The following ARHGAP24 variants were observed in gnomAD, a reference collection of about 807,000 sequenced individuals.
ARHGAP24 encodes rho GTPase-activating protein 24.
Under a neutral mutation model 76.4 loss-of-function variants are expected in ARHGAP24, and 50 were observed. That is an observed-to-expected ratio of 0.65 (90% CI 0.52 to 0.83). The LOEUF is 0.83. ARHGAP24 is among the 40% of genes least tolerant of loss of function. The pLI is 0.00. For synonymous variants in ARHGAP24, 345 were observed against 323.3 expected (o/e 1.07, Z -0.72); for missense variants, 930 against 914.2 (o/e 1.02, Z -0.22).
At chr4:85,556,683 G>C (rs1213594838) in intron 1 of ARHGAP24, among the ~76,000 whole-genome samples, 4 of 152,190 alleles carry the variant, frequency 2.6e-5, no homozygotes, top group Non-Finnish European at 4.4e-5. Context: ...GGGTAGGGGA[G>C]GTGGGGACGC....
At chr4:85,804,869 C>T (rs768129102) in intron 3 of ARHGAP24, among the ~76,000 whole-genome samples, 1 of 152,190 alleles carries the variant, frequency 6.6e-6, no homozygotes, top group Admixed American at 6.5e-5. Context: ...AACTTCCCAT[C>T]TGCAATTTTT....
At chr4:85,584,465 T>A (rs557620121) in intron 2 of ARHGAP24, among the ~76,000 whole-genome samples, 32 of 140,448 alleles carry the variant, frequency 2.3e-4, no homozygotes, top group African/African-American at 7.4e-4. Flanking sequence ...GGGGGAGGGA[T>A]AGCATTAGGA....
At chr4:85,581,872 T>A (rs1727630587) in intron 2 of ARHGAP24, among the ~76,000 whole-genome samples, 1 of 152,038 alleles carries the variant, frequency 6.6e-6, no homozygotes, top group Admixed American at 6.6e-5. Context: ...TACTTTTGGG[T>A]TATGGACTTT....
intron 1 of ARHGAP24, among the ~76,000 whole-genome samples, chr4:85,502,981 G>C (rs1723882475): frequency 6.6e-6 from 1 of 152,134 alleles, no homozygotes; most frequent in African/African-American, 2.4e-5. Flanking sequence ...ATAATCATGT[G>C]GTTTTTGTCG....
intron 3 of ARHGAP24, among the ~76,000 whole-genome samples, chr4:85,827,505 TG>T: frequency 6.7e-6 from 1 of 148,470 alleles, no homozygotes; most frequent in Admixed American, 6.7e-5. Context: ...TGTGTGTGTG[TG>T]TGTGTGTGTG....
intron 1 of ARHGAP24, among the ~76,000 whole-genome samples, chr4:85,546,783 T>C (rs1725935463): frequency 6.6e-6 from 1 of 152,212 alleles, no homozygotes; most frequent in African/African-American, 2.4e-5. Flanking sequence ...GTTGTTTGTT[T>C]TTACTTATTA....
chr4:85,567,380 A>C (rs576280153), intron 1 of ARHGAP24, among the ~76,000 whole-genome samples: 1 of 152,276 alleles, frequency 6.6e-6, no homozygotes, highest in South Asian at 2.1e-4. Context: ...ATGGATTTGA[A>C]CTATTTTTTA....
At chr4:85,804,925 C>T (rs1728726870) in intron 3 of ARHGAP24, among the ~76,000 whole-genome samples, 1 of 152,132 alleles carries the variant, frequency 6.6e-6, no homozygotes, top group South Asian at 2.1e-4. Flanking sequence ...ATGTACCCAC[C>T]ATAGCTTTTG....
chr4:85,648,708 T>A (rs1046065883), intron 2 of ARHGAP24, among the ~76,000 whole-genome samples: 1 of 152,120 alleles, frequency 6.6e-6, no homozygotes, highest in African/African-American at 2.4e-5. Flanking sequence ...AGCTTGTGAT[T>A]TATGTCGAAT....
At chr4:85,706,645 A>G (rs1258640449) in intron 2 of ARHGAP24, among the ~76,000 whole-genome samples, 3 of 151,648 alleles carry the variant, frequency 2.0e-5, no homozygotes, top group Non-Finnish European at 4.4e-5. Context: ...AGCTCACTAC[A>G]AGTTCCACCT....
intron 5 of ARHGAP24, among the ~76,000 whole-genome samples, chr4:85,958,514 T>C (rs1738052314): frequency 6.6e-6 from 1 of 152,208 alleles, no homozygotes; most frequent in Non-Finnish European, 1.5e-5. Context: ...TCATTCATGG[T>C]TTGAAACCTC....
At chr4:85,517,948 G>GT (rs2110109421) in intron 1 of ARHGAP24, among the ~76,000 whole-genome samples, 1 of 152,224 alleles carries the variant, frequency 6.6e-6, no homozygotes, top group South Asian at 2.1e-4. Flanking sequence ...GGCAGAAGGG[G>GT]TGTCACAGGC....
chr4:85,605,248 GA>G (rs932010563), intron 2 of ARHGAP24, among the ~76,000 whole-genome samples: 1 of 152,072 alleles, frequency 6.6e-6, no homozygotes, highest in Non-Finnish European at 1.5e-5. Flanking sequence ...TCTCAAATTG[GA>G]AAATGTATTT....
chr4:85,796,659 T>C (rs940695026), intron 3 of ARHGAP24, among the ~76,000 whole-genome samples: 3 of 152,080 alleles, frequency 2.0e-5, no homozygotes, highest in African/African-American at 7.2e-5. Context: ...GATTGGCTAA[T>C]AAGTAAAAAG....
intron 2 of ARHGAP24, among the ~76,000 whole-genome samples, chr4:85,702,339 G>A (rs1019335540): frequency 6.6e-6 from 1 of 152,160 alleles, no homozygotes; most frequent in African/African-American, 2.4e-5. Flanking sequence ...GATGTACATT[G>A]TATTTATACA....
chr4:85,482,077 C>T (rs1307871557), intron 1 of ARHGAP24, among the ~76,000 whole-genome samples: 1 of 152,114 alleles, frequency 6.6e-6, no homozygotes, highest in African/African-American at 2.4e-5. Context: ...TTAAAATTTT[C>T]TTATATGGAG....
Position 85,671,420 on chromosome 4 carries a change from G to T in ARHGAP24, c.181-50465G>T, listed in dbSNP as rs146625041. ...TCCTAAGAAATCAAATGAATATTTA[G>T]ATTTTTATATTCCAGTGGCTTGGCT... On this transcript the variant is annotated intron_variant, in intron 2 of 9. Transcript: ENST00000395184. 4.2e-3 allele frequency among the ~76,000 whole-genome samples: 641 copies of T among 152,198 alleles called. 3 individuals carry two copies. The highest frequency in any genetic ancestry group is 0.014 in the African/African-American group (581 of 41,524).
At chr4:85,620,610 A>G (rs1242507926) in intron 2 of ARHGAP24, among the ~76,000 whole-genome samples, 1 of 151,610 alleles carries the variant, frequency 6.6e-6, no homozygotes, top group African/African-American at 2.4e-5. Context: ...TCTTAGTTTC[A>G]TTGATCTTTT....
At chr4:85,671,480 A>G (rs1172868901) in intron 2 of ARHGAP24, among the ~76,000 whole-genome samples, 1 of 152,192 alleles carries the variant, frequency 6.6e-6, no homozygotes, top group African/African-American at 2.4e-5. Flanking sequence ...TTGTCAAATG[A>G]AAATGCAAGT....
Sources: allele counts gnomAD v4.1 joint callset (sites outside exome capture counted in the v4.1 genomes callset), GRCh38; gene constraint gnomAD v4.1.1; transcripts MANE v1.5; gene names NCBI Gene and HGNC (gene_info 2026-07-23, HGNC 2026-07-21).